The following RP1 variants were observed in gnomAD, a reference collection of about 807,000 sequenced individuals.
RP1 encodes the protein oxygen-regulated protein 1.
RP1 carries 16 observed loss-of-function variants against 14.8 expected under a neutral mutation model. That is an observed-to-expected ratio of 1.08 (90% CI 0.73 to 1.65). RP1 has a LOEUF of 1.65. Among genes scored for constraint, RP1 ranks in the 40% most tolerant of loss-of-function variants. RP1 has a pLI of 0.00. For synonymous variants in RP1, 876 were observed against 883.6 expected, an observed-to-expected ratio of 0.99 and a Z score of 0.15; for missense variants, 2,631 against 2,535.0, an observed-to-expected ratio of 1.04 and a Z score of -0.81.
chr8:54,789,462 C>T (rs1810408657), intron 24 of RP1, among the ~76,000 whole-genome samples: 1 of 152,138 alleles, frequency 6.6e-6, no homozygotes, highest in African/African-American at 2.4e-5. Flanking sequence ...TGACATAGAA[C>T]CCAGCCTGTG....
intron 26 of RP1, among the ~76,000 whole-genome samples, chr8:54,853,807 A>C (rs946843946): frequency 6.7e-6 from 1 of 149,562 alleles, no homozygotes; most frequent in African/African-American, 2.5e-5. Flanking sequence ...AGAGAAAGAA[A>C]GAGAAAGGAA....
intron 1 of RP1, chr8:54,560,631 A>G (rs887003051): frequency 4.6e-5 from 7 of 151,988 alleles, no homozygotes; most frequent in Admixed American, 3.3e-4. Context: ...GTGGTTCAGA[A>G]CACCTGCTGC....
intron 7 of RP1, among the ~76,000 whole-genome samples, chr8:54,673,665 G>A (rs1466083636): frequency 2.6e-5 from 4 of 152,106 alleles, no homozygotes; most frequent in East Asian, 1.9e-4. Context: ...ATTTGAGCCC[G>A]GGAGGCAGAG....
intron 19 of RP1, among the ~76,000 whole-genome samples, chr8:54,745,752 T>C (rs1809208568): frequency 6.6e-6 from 1 of 151,984 alleles, no homozygotes; most frequent in South Asian, 2.1e-4. Context: ...GAAAAAATGG[T>C]TTTGGAAATT....
intron 24 of RP1, among the ~76,000 whole-genome samples, chr8:54,793,276 T>C (rs536518850): frequency 6.6e-6 from 1 of 151,962 alleles, no homozygotes; most frequent in East Asian, 1.9e-4. Context: ...CCAAACCATC[T>C]CAAACTCTTC....
chr8:54,637,618 C>A (rs780885233), intron 3 of RP1, among the ~76,000 whole-genome samples: 4 of 150,900 alleles, frequency 2.7e-5, no homozygotes, highest in Non-Finnish European at 4.4e-5. Flanking sequence ...AGACATACTG[C>A]TTTTTTTTTC....
chr8:54,850,489 G>T (rs1252120523), intron 25 of RP1, among the ~76,000 whole-genome samples: 1 of 152,138 alleles, frequency 6.6e-6, no homozygotes, highest in Non-Finnish European at 1.5e-5. Flanking sequence ...ATGAATATTT[G>T]TTAGCTAGGG....
intron 16 of RP1, among the ~76,000 whole-genome samples, chr8:54,721,962 G>T (rs1306073959): frequency 6.6e-6 from 1 of 152,120 alleles, no homozygotes; most frequent in African/African-American, 2.4e-5. Flanking sequence ...AGTTTGTAGG[G>T]CCGGGCACTG....
intron 7 of RP1, chr8:54,663,926 T>C (rs1195253832): frequency 7.5e-7 from 1 of 1,331,914 alleles, no homozygotes; most frequent in Non-Finnish European, 9.9e-7. Flanking sequence ...CTGTTGTAAC[T>C]ATTCTAAGAG....
intron 1 of RP1, among the ~76,000 whole-genome samples, chr8:54,581,455 G>A (rs924806165): frequency 9.9e-5 from 15 of 152,238 alleles, no homozygotes; most frequent in African/African-American, 2.4e-4. Flanking sequence ...GAATAGTGCC[G>A]CAATAAACAT....
chr8:54,597,629 G>A (rs965896958), intron 1 of RP1, among the ~76,000 whole-genome samples: 1 of 152,126 alleles, frequency 6.6e-6, no homozygotes, highest in African/African-American at 2.4e-5. Context: ...TGCCTAAGCA[G>A]GTTATTAATG....
At chr8:54,857,161 A>G in intron 27 of RP1, 2 of 700,156 alleles carry the variant, frequency 2.9e-6, no homozygotes, top group Non-Finnish European at 3.9e-6. Context: ...GAAAAATCGT[A>G]TAAGAAGCAG....
chr8:54,809,536 T>G (rs1361755698), intron 24 of RP1, among the ~76,000 whole-genome samples: 2 of 152,204 alleles, frequency 1.3e-5, no homozygotes, highest in Non-Finnish European at 2.9e-5. Context: ...AGCCTTAAAT[T>G]CAAACAAATT....
chr8:54,728,677 T>C (rs1171389813), intron 17 of RP1, among the ~76,000 whole-genome samples: 2 of 152,208 alleles, frequency 1.3e-5, no homozygotes, highest in African/African-American at 4.8e-5. Flanking sequence ...AGTTATTTTG[T>C]AGTAGTTAAG....
rs111256738 is a variant in RP1 at position 54,680,810 on chromosome 8, T to C, written c.1717+877T>C. ...CGTCTCTACTAAAAATACAAAAAAT[T>C]AGCCGGGCGTGGTGGTGGGTACCTG... is the stretch of plus-strand genomic sequence containing the variant. On this transcript the variant is annotated intron_variant, in intron 12 of 22. Coordinates refer to the RP1 transcript ENST00000636932. Among the ~76,000 whole-genome samples, 468 of 151,712 alleles carry C rather than the reference T, an allele frequency of 3.1e-3. 5 individuals carry two copies. The highest frequency in any genetic ancestry group is 0.011 in the African/African-American group (444 of 41,368).
rs771201221 is a variant in RP1, at chr8:54,755,651, C to T, written c.2974C>T (p.Gln992Ter). 2.6e-5 allele frequency: 40 copies of T among 1,535,936 alleles called. No homozygotes were observed. Among genetic ancestry groups the T allele is most frequent in the Non-Finnish European group, 3.2e-5 (37 of 1,146,864 alleles). The change falls in exon 21 of 23, where the codon CAG becomes TAG. Residue 992 changes from glutamine to a stop codon, truncating the protein, a stop_gained. Transcript: ENST00000636932. LOFTEE classifies it high-confidence loss of function. ...ATACCAGGTTGACGTCTACACTGGG[C>T]AGCTGAAGCATGCAGAGACGGAGTC...
At chr8:54,682,408 G>A (rs1261169215) in intron 12 of RP1, among the ~76,000 whole-genome samples, 5 of 151,868 alleles carry the variant, frequency 3.3e-5, no homozygotes, top group East Asian at 2.0e-4. Context: ...TCAGTGTGGC[G>A]ATTCCTCAAG....
chr8:54,777,708 T>C (rs1258486506), intron 23 of RP1, among the ~76,000 whole-genome samples: 3 of 152,222 alleles, frequency 2.0e-5, no homozygotes, highest in East Asian at 3.8e-4. Context: ...TGTGAATTTA[T>C]ATACATAGAA....
In RP1 at chr8:54,575,426, T is replaced by C. The variant is rs576633809; in HGVS notation, c.-13+16106T>C. 2.0e-5 allele frequency among the ~76,000 whole-genome samples: 3 copies of C among 152,292 alleles called. No homozygotes were observed. In the South Asian group the frequency reaches 6.2e-4, roughly 32 times the overall value. On this transcript the variant is annotated intron_variant, in intron 1 of 22. Transcript: ENST00000636932. ...TTAGTTTTTGTGGGTACATGCTAGG[T>C]ATATATATTTATGGGGTACATATGT...
Sources: allele counts gnomAD v4.1 joint callset (sites outside exome capture counted in the v4.1 genomes callset), GRCh38; gene constraint gnomAD v4.1.1; transcripts MANE v1.5; gene names NCBI Gene and HGNC (gene_info 2026-07-23, HGNC 2026-07-21).